RPGRIP1: variants seen among roughly 807,000 people sequenced by gnomAD.
The protein encoded by RPGRIP1 is X-linked retinitis pigmentosa GTPase regulator-interacting protein 1.
In RPGRIP1, 128 loss-of-function variants were observed where a neutral mutation model predicts 157.9. The observed-to-expected ratio is 0.81, with a 90% CI of 0.70 to 0.94. The LOEUF is 0.94. Ranked by LOEUF, RPGRIP1 falls within the 40% of genes least tolerant of loss-of-function variation. The pLI, the probability that RPGRIP1 is intolerant of heterozygous loss-of-function variation, is 0.00. For missense variants in RPGRIP1, 1,486 were observed against 1,545.8 expected (o/e 0.96, Z 0.65); for synonymous variants, 554 against 571.6 (o/e 0.97, Z 0.44).
chr14:21,312,570 C>T (rs1881585252), intron 10 of RPGRIP1, 64 bp downstream of exon 10: 2 of 957,180 alleles, frequency 2.1e-6, no homozygotes, highest in Non-Finnish European at 3.2e-6. Flanking sequence ...AAGTTCATTC[C>T]TAATACCTAG....
chr14:21,337,246 C>T (rs1884458103), intron 21 of RPGRIP1, among the ~76,000 whole-genome samples: 1 of 151,976 alleles, frequency 6.6e-6, no homozygotes, highest in Non-Finnish European at 1.5e-5. Flanking sequence ...GTTTTTTAAC[C>T]TCTATTAGGC....
intron 20 of RPGRIP1, among the ~76,000 whole-genome samples, 192 bp from the exon 21 acceptor site, chr14:21,334,413 A>G (rs1884115813): frequency 6.6e-6 from 1 of 150,728 alleles, no homozygotes; most frequent in South Asian, 2.1e-4. Flanking sequence ...TGAGAAGTGA[A>G]TCCTGTATGT....
rs1417370090 is a variant in RPGRIP1, at chr14:21,332,317, G to A, written c.3238+1930G>A. Among the ~76,000 whole-genome samples, 11 of 152,112 alleles carry A rather than the reference G, an allele frequency of 7.2e-5. No homozygotes were observed. In the East Asian group the frequency reaches 2.1e-3, roughly 29 times the overall value. On this transcript the variant is annotated intron_variant, in intron 20 of 24. Transcript: ENST00000400017. ...GAAGAGCATAAATGATTTTTCTCAT[G>A]AGAAGGATAATTTTTCTATTGATTA...
chr14:21,334,773 G>C, intron 21 of RPGRIP1, 68 bp downstream of exon 21: 1 of 1,080,434 alleles, frequency 9.3e-7, no homozygotes, highest in Non-Finnish European at 1.4e-6. Flanking sequence ...CCAGTCATGG[G>C]GGCTCACGCC....
Position 21,326,067 on chromosome 14 carries a change from G to A in RPGRIP1, c.2604G>A (p.Glu868=). The change falls in exon 17 of 25, where the codon GAG becomes GAA. Residue 868 remains glutamate, a synonymous_variant. Transcript: ENST00000400017. ...TSDLDHYLRR[E]ALSIHVFDDE... ...ACCTGGACCATTATCTGAGACGGGAGGCCTTGTCTATACATGTTTTTGATG... is the reference window on the plus strand; with the variant it reads ...ACCTGGACCATTATCTGAGACGGGAAGCCTTGTCTATACATGTTTTTGATG... 1 of 1,613,930 alleles carries A rather than the reference G, an allele frequency of 6.2e-7. No individual in the cohort carries two copies. Among genetic ancestry groups the A allele is most frequent in the South Asian group, 1.1e-5 (1 of 91,066 alleles).
At chr14:21,340,444 C>T (rs1388455525) in intron 21 of RPGRIP1, among the ~76,000 whole-genome samples, 1 of 152,178 alleles carries the variant, frequency 6.6e-6, no homozygotes, top group East Asian at 1.9e-4. Context: ...CACTTGAGGC[C>T]AGGAGTTCGA....
intron 20 of RPGRIP1, among the ~76,000 whole-genome samples, chr14:21,330,964 C>A (rs1883710813): frequency 6.6e-6 from 1 of 151,840 alleles, no homozygotes; most frequent in Admixed American, 6.6e-5. Flanking sequence ...GGCTGGAGTG[C>A]AATGGCAGGA....
chr14:21,325,861 G>A lies in RPGRIP1; in HGVS notation c.2398G>A (p.Glu800Lys), dbSNP rs565837539. The A allele has an allele frequency of 2.0e-5, 32 of 1,613,528 alleles. No individual in the cohort carries two copies. Among genetic ancestry groups the A allele is most frequent in the South Asian group, 7.7e-5 (7 of 91,054 alleles). Residue 800 changes from glutamate (E) to lysine (K), a missense_variant, in exon 17 of 25, where the codon GAG (glutamate) becomes AAG (lysine). By Grantham distance (56) the Glu-to-Lys change is moderately conservative (BLOSUM62 1). Transcript: ENST00000400017. ...ATCGGAGTCTTGGGAACCTCAGAAC[G>A]AGCTGTGGATTGAAATCACCAAGTG... is the stretch of plus-strand genomic sequence containing the variant. ...FRSESWEPQNELWIEITKCCG... is the reference protein window; with the variant it reads ...FRSESWEPQNKLWIEITKCCG...
At position 21,321,983 on chromosome 14, in the gene RPGRIP1, A is replaced by G; in HGVS notation, c.1741A>G (p.Ser581Gly). 1 of 1,613,066 alleles carries G rather than the reference A, an allele frequency of 6.2e-7. No individual in the cohort carries two copies. Among genetic ancestry groups the G allele is most frequent in the Non-Finnish European group, 8.5e-7 (1 of 1,179,592 alleles). ...CAAGCAGCTGGAAGGTATTTTAAGA[A>G]GCCATGACCTTCCAACATCTGGCAA... is the stretch of plus-strand genomic sequence containing the variant. ...RIKQLEGILR[S>G]HDLPTSEQLK... The change falls in exon 14 of 25, where the codon AGC (serine) becomes GGC (glycine). Residue 581 changes from serine to glycine, a missense_variant. Physicochemically the swap from Ser to Gly is moderately conservative, Grantham distance 56. Coordinates refer to ENST00000400017, the MANE Select transcript of RPGRIP1 (RefSeq NM_020366.4).
chr14:21,308,460 G>A (rs1166531533), intron 7 of RPGRIP1, among the ~76,000 whole-genome samples: 1 of 152,154 alleles, frequency 6.6e-6, no homozygotes, highest in African/African-American at 2.4e-5. Flanking sequence ...TGCCTTCAAG[G>A]AGTTTATAGG....
At chr14:21,301,706 AT>A (rs1881039817) in intron 4 of RPGRIP1, among the ~76,000 whole-genome samples, 1 of 119,724 alleles carries the variant, frequency 8.4e-6, no homozygotes, top group Non-Finnish European at 1.7e-5. Context: ...AATAATAATA[AT>A]AATAATAATA....
At chr14:21,282,605 A>ATTTT (rs35939351) in intron 1 of RPGRIP1, among the ~76,000 whole-genome samples, 18 of 103,238 alleles carry the variant, frequency 1.7e-4, no homozygotes, top group African/African-American at 3.5e-4. Flanking sequence ...TCTACATTCC[A>ATTTT]TTTTTTTTTT....
At position 21,327,775 on chromosome 14, in the gene RPGRIP1, T is replaced by C; in HGVS notation, c.2863T>C (p.Ser955Pro). 1 of 1,606,982 alleles carries C rather than the reference T, an allele frequency of 6.2e-7. No individual in the cohort carries two copies. The highest frequency in any genetic ancestry group is 1.7e-5 in the Admixed American group (1 of 58,626). ...KDTKDSSKIS[S>P]EEEKASFPSQ... ...TACCAAGGACAGTTCAAAGATCTCA[T>C]CTGAAGAGGAAAAGGCTTCATTTCC... Residue 955 changes from serine (S) to proline (P), a missense_variant, in exon 18 of 25, where the codon TCT becomes CCT. Coordinates refer to ENST00000400017, the MANE Select transcript of RPGRIP1 (RefSeq NM_020366.4).
At chr14:21,340,786 C>A (rs1234933248) in intron 21 of RPGRIP1, among the ~76,000 whole-genome samples, 2 of 152,058 alleles carry the variant, frequency 1.3e-5, no homozygotes, top group South Asian at 2.1e-4. Flanking sequence ...TATAAAAGAA[C>A]AAGTTTCAAG....
At chr14:21,319,364 C>G (rs1882151526) in intron 11 of RPGRIP1, among the ~76,000 whole-genome samples, 1 of 152,138 alleles carries the variant, frequency 6.6e-6, no homozygotes, top group African/African-American at 2.4e-5. Context: ...GAGTTTCAGA[C>G]CAGCCTGGCC....
At chr14:21,319,980 C>G in intron 11 of RPGRIP1, 37 bp from the exon 12 acceptor site, 1 of 1,573,104 alleles carries the variant, frequency 6.4e-7, no homozygotes, top group Non-Finnish European at 8.7e-7. Context: ...TGATAAATAA[C>G]TACAGAATTT....
At chr14:21,315,678 CATTACT>C (rs1156486793) in intron 10 of RPGRIP1, among the ~76,000 whole-genome samples, 2 of 152,056 alleles carry the variant, frequency 1.3e-5, no homozygotes, top group Non-Finnish European at 2.9e-5. Flanking sequence ...CTGTGATAGA[CATTACT>C]ATTTGCCTCT....
At chr14:21,318,113 T>C (rs935108523) in intron 11 of RPGRIP1, 1 of 610,686 alleles carries the variant, frequency 1.6e-6, no homozygotes, top group Admixed American at 2.1e-5. Context: ...TTTGTTTGTT[T>C]GTTTGTTTTT....
At chr14:21,301,352 C>A in intron 4 of RPGRIP1, 115 bp downstream of exon 4, 2 of 1,107,764 alleles carry the variant, frequency 1.8e-6, no homozygotes, top group Non-Finnish European at 2.6e-6. Context: ...TTCTTTTGTT[C>A]TCACTCCCTC....
Sources: gnomAD v4.1 joint callset for allele counts (sites outside exome capture counted in the v4.1 genomes callset) on GRCh38, gnomAD v4.1.1 for gene constraint, MANE v1.5 for transcripts, NCBI Gene and HGNC (gene_info 2026-07-23, HGNC 2026-07-21) for gene names.